Variants in NELL1 observed in about 807,000 individuals in gnomAD.
The protein encoded by NELL1 is protein kinase C-binding protein NELL1.
Under a neutral mutation model 107.4 loss-of-function variants are expected in NELL1, and 76 were observed. That is an observed-to-expected ratio of 0.71 (90% CI 0.59 to 0.86). NELL1 has a LOEUF of 0.86. NELL1 is among the 40% of genes least tolerant of loss of function. The probability of loss-of-function intolerance (pLI) is 0.00; values close to 1 mark genes in which losing one functional copy is unlikely to be tolerated. For missense variants in NELL1, 1,024 were observed against 1,005.5 expected (o/e 1.02, Z -0.25); for synonymous variants, 353 against 341.2 (o/e 1.03, Z -0.38).
intron 2 of NELL1, among the ~76,000 whole-genome samples, chr11:20,706,728 A>C (rs1453824807): frequency 6.6e-6 from 1 of 151,136 alleles, no homozygotes; most frequent in African/African-American, 2.4e-5. Context: ...TGACTTGTAG[A>C]GTTTCTGCTG....
chr11:21,552,357 C>A (rs1477507834), intron 16 of NELL1, among the ~76,000 whole-genome samples: 1 of 151,624 alleles, frequency 6.6e-6, no homozygotes, highest in Non-Finnish European at 1.5e-5. Flanking sequence ...TAGACAAAAT[C>A]ATTTATCAGA....
chr11:21,371,542 A>C (rs1341509813), intron 15 of NELL1, among the ~76,000 whole-genome samples: 1 of 152,100 alleles, frequency 6.6e-6, no homozygotes, highest in Non-Finnish European at 1.5e-5. Context: ...GTTTGGTGAA[A>C]TCCAACTCTT....
intron 14 of NELL1, among the ~76,000 whole-genome samples, chr11:21,318,973 T>C (rs1849942558): frequency 6.6e-6 from 1 of 152,058 alleles, no homozygotes; most frequent in Non-Finnish European, 1.5e-5. Flanking sequence ...ATAAGGCTCT[T>C]CTTTGGATTA....
At chr11:21,565,643 C>T (rs1429081763) in intron 17 of NELL1, among the ~76,000 whole-genome samples, 1 of 151,868 alleles carries the variant, frequency 6.6e-6, no homozygotes, top group African/African-American at 2.4e-5. Flanking sequence ...TTTTTCCTAT[C>T]CCCTAGCCTC....
At chr11:21,380,795 A>G (rs190572749) in intron 15 of NELL1, among the ~76,000 whole-genome samples, 1 of 152,180 alleles carries the variant, frequency 6.6e-6, no homozygotes, top group East Asian at 1.9e-4. Flanking sequence ...GGAAACATCA[A>G]TGCCTTTTTT....
chr11:20,701,061 C>A (rs1422125741), intron 2 of NELL1, among the ~76,000 whole-genome samples: 1 of 152,146 alleles, frequency 6.6e-6, no homozygotes, highest in Non-Finnish European at 1.5e-5. Context: ...ATTTCTAGTT[C>A]TAGATCCTTG....
At chr11:20,701,618 C>T (rs900029926) in intron 2 of NELL1, among the ~76,000 whole-genome samples, 1 of 152,102 alleles carries the variant, frequency 6.6e-6, no homozygotes, top group African/African-American at 2.4e-5. Context: ...CATAGGTTTT[C>T]TTCTAGGGTT....
chr11:21,501,153 G>A (rs564799378), intron 15 of NELL1, among the ~76,000 whole-genome samples: 119 of 152,256 alleles, frequency 7.8e-4, no homozygotes, highest in Non-Finnish European at 1.3e-3. Flanking sequence ...GTGTCTGTAT[G>A]TGTGTATGCG....
intron 12 of NELL1, among the ~76,000 whole-genome samples, chr11:21,110,791 A>G (rs966016423): frequency 6.6e-6 from 1 of 152,134 alleles, no homozygotes; most frequent in Non-Finnish European, 1.5e-5. Flanking sequence ...TTTAGCCTTC[A>G]GCGTACTCTG....
At chr11:21,244,364 G>A (rs1205479685) in intron 14 of NELL1, among the ~76,000 whole-genome samples, 1 of 152,110 alleles carries the variant, frequency 6.6e-6, no homozygotes, top group African/African-American at 2.4e-5. Flanking sequence ...ATTAGACAGA[G>A]AAGAGCCCAT....
chr11:21,469,970 T>G (rs1854132194), intron 15 of NELL1, among the ~76,000 whole-genome samples: 1 of 152,072 alleles, frequency 6.6e-6, no homozygotes, highest in South Asian at 2.1e-4. Flanking sequence ...CACTTACTAT[T>G]TTTTCTTTGG....
chr11:21,574,916 C>T, intron 19 of NELL1, 56 bp from the exon 20 acceptor site: 2 of 1,469,074 alleles, frequency 1.4e-6, no homozygotes, highest in Non-Finnish European at 1.9e-6. Context: ...AAATTGCAGA[C>T]TGCTAATTTA....
At chr11:20,964,642 T>C (rs1451213584) in intron 12 of NELL1, among the ~76,000 whole-genome samples, 1 of 152,176 alleles carries the variant, frequency 6.6e-6, no homozygotes, top group Non-Finnish European at 1.5e-5. Flanking sequence ...ACTTAAATGC[T>C]CCCTCTTCTT....
intron 12 of NELL1, among the ~76,000 whole-genome samples, chr11:21,039,245 G>A (rs932187724): frequency 1.9e-4 from 29 of 151,922 alleles, no homozygotes; most frequent in African/African-American, 6.8e-4. Context: ...GAGTGCACTG[G>A]TGCAATCTCG....
chr11:21,103,851 G>A (rs924326172), intron 12 of NELL1, among the ~76,000 whole-genome samples: 2 of 152,210 alleles, frequency 1.3e-5, no homozygotes, highest in East Asian at 3.9e-4. Context: ...TCTTTCAACG[G>A]AATTAGCCTC....
intron 12 of NELL1, among the ~76,000 whole-genome samples, chr11:20,994,234 C>T (rs778198705): frequency 1.3e-5 from 2 of 152,176 alleles, no homozygotes; most frequent in Non-Finnish European, 2.9e-5. Flanking sequence ...CTATCAAAAA[C>T]AATCATGGTA....
At chr11:21,558,673 T>C (rs1856778706) in intron 16 of NELL1, among the ~76,000 whole-genome samples, 1 of 152,026 alleles carries the variant, frequency 6.6e-6, no homozygotes, top group South Asian at 2.1e-4. Context: ...GGGTATAGTG[T>C]ATATAGAAGA....
At position 21,226,835 on chromosome 11, in the gene NELL1, A is replaced by G. The variant is rs1177770476; in HGVS notation, c.1427-2497A>G. Among the ~76,000 whole-genome samples the G allele has an allele frequency of 2.6e-5, 4 of 152,332 alleles. 1 individual carries two copies. The highest frequency in any genetic ancestry group is 2.6e-4 in the Admixed American group (4 of 15,300). ...AAGCCTTCATGAACATGGTAAGAGT[A>G]TGGGTTTGAAGTGGTGTCTGAAGCC... is the stretch of plus-strand genomic sequence containing the variant. On this transcript the variant is annotated intron_variant, in intron 13 of 19. Coordinates refer to ENST00000357134, the MANE Select transcript of NELL1 (RefSeq NM_006157.5).
intron 14 of NELL1, among the ~76,000 whole-genome samples, chr11:21,332,083 T>C (rs1446273341): frequency 6.6e-6 from 1 of 152,068 alleles, no homozygotes; most frequent in Non-Finnish European, 1.5e-5. Context: ...ATTGAATTAC[T>C]CAAGTATTCA....
Sources: gnomAD v4.1 joint callset for allele counts (sites outside exome capture counted in the v4.1 genomes callset) on GRCh38, gnomAD v4.1.1 for gene constraint, MANE v1.5 for transcripts, NCBI Gene and HGNC (gene_info 2026-07-23, HGNC 2026-07-21) for gene names.